PNOC: variants seen among roughly 807,000 people sequenced by gnomAD.
PNOC encodes nociceptin.
Under a neutral mutation model 15.6 loss-of-function variants are expected in PNOC, and 10 were observed. The ratio of observed to expected loss-of-function variants is 0.64; its 90% confidence interval spans 0.40 to 1.09. The LOEUF is 1.09. Ranked by LOEUF, PNOC falls within the 50% of genes least tolerant of loss-of-function variation. The pLI is 0.01. For missense variants in PNOC, 220 were observed against 223.9 expected, an observed-to-expected ratio of 0.98 and a Z score of 0.11; for synonymous variants, 98 against 88.5, an observed-to-expected ratio of 1.11 and a Z score of -0.60.
intron 1 of PNOC, among the ~76,000 whole-genome samples, chr8:28,323,531 G>C: frequency 6.6e-6 from 1 of 152,200 alleles, no homozygotes; most frequent in Middle Eastern, 3.2e-3. Context: ...AAAGTATAAA[G>C]TTTCAGCATC....
intron 2 of PNOC, among the ~76,000 whole-genome samples, chr8:28,332,762 C>A (rs971988436): frequency 6.6e-6 from 1 of 152,226 alleles, no homozygotes; most frequent in South Asian, 2.1e-4. Flanking sequence ...ACCAGCCTGG[C>A]CAACAAGGCG....
chr8:28,339,154 G>T lies in PNOC; in HGVS notation c.241G>T (p.Ala81Ser). The stretch of plus-strand genomic sequence containing the variant: ...CAGCCCTGCCGCCCCAGAGCATGTG[G>T]CGGCTGCTCTCTACCAGCCGAGAGC... ...QLSPAAPEHV[A>S]AALYQPRASE... Residue 81 changes from alanine to serine, a missense_variant, in exon 3 of 4, where the codon GCG becomes TCG. Ala to Ser is a moderately conservative substitution (Grantham distance 99). Transcript: ENST00000301908. 6.2e-7 allele frequency: 1 copy of T among 1,613,552 alleles called. No individual in the cohort carries two copies. The highest frequency in any genetic ancestry group is 8.5e-7 in the Non-Finnish European group (1 of 1,179,496).
chr8:28,330,608 T>C (rs1801316973), intron 2 of PNOC, among the ~76,000 whole-genome samples: 1 of 139,602 alleles, frequency 7.2e-6, no homozygotes, highest in Non-Finnish European at 1.6e-5. Flanking sequence ...GGTTTCACCG[T>C]GTTAGGATGG....
chr8:28,332,183 C>T (rs1271629711), intron 2 of PNOC, among the ~76,000 whole-genome samples: 1 of 152,192 alleles, frequency 6.6e-6, no homozygotes, highest in African/African-American at 2.4e-5. Flanking sequence ...ATGTGGCTGC[C>T]TGCTTGTTTT....
intron 1 of PNOC, among the ~76,000 whole-genome samples, chr8:28,319,615 C>T (rs750617411): frequency 1.3e-5 from 2 of 152,188 alleles, no homozygotes; most frequent in Non-Finnish European, 2.9e-5. Flanking sequence ...TACACACATG[C>T]ACATATGCAC....
At chr8:28,334,169 C>T (rs184028804) in intron 2 of PNOC, among the ~76,000 whole-genome samples, 12 of 152,276 alleles carry the variant, frequency 7.9e-5, no homozygotes, top group East Asian at 7.7e-4. Context: ...TTGAGATCCA[C>T]GCCTGTAGAG....
At chr8:28,334,428 C>T (rs1343247368) in intron 2 of PNOC, among the ~76,000 whole-genome samples, 3 of 152,150 alleles carry the variant, frequency 2.0e-5, no homozygotes, top group Non-Finnish European at 2.9e-5. Context: ...TTCTGGGCCC[C>T]ACCCTTGACT....
chr8:28,324,903 G>A (rs1801200827), intron 1 of PNOC, among the ~76,000 whole-genome samples: 1 of 152,068 alleles, frequency 6.6e-6, no homozygotes, highest in Admixed American at 6.6e-5. Flanking sequence ...CTGCATGCCA[G>A]GTTCTTTCCT....
intron 2 of PNOC, among the ~76,000 whole-genome samples, chr8:28,334,280 G>A (rs1005772603): frequency 3.3e-5 from 5 of 152,136 alleles, no homozygotes; most frequent in Non-Finnish European, 1.5e-5. Context: ...ACAGACCCAG[G>A]TGACTCTTTC....
intron 1 of PNOC, among the ~76,000 whole-genome samples, chr8:28,325,916 C>A (rs1339820503): frequency 6.6e-6 from 1 of 152,096 alleles, no homozygotes; most frequent in African/African-American, 2.4e-5. Flanking sequence ...AATTAGGAGG[C>A]TATTACAATA....
chr8:28,337,160 C>T lies in PNOC; in HGVS notation c.127-1880C>T, dbSNP rs372465427. Among the ~76,000 whole-genome samples the T allele has an allele frequency of 2.2e-4, 33 of 152,254 alleles. No homozygotes were observed. The South Asian group carries it at 4.4e-3, about 20-fold the overall frequency. Reference sequence around the variant, plus strand: ...AGCCCATGACTCCCATCCTTTGAGTCGCTGCATGGTTTCTAGATGGCAAAC... The same window carrying T: ...AGCCCATGACTCCCATCCTTTGAGTTGCTGCATGGTTTCTAGATGGCAAAC... On this transcript the variant is annotated intron_variant, in intron 2 of 3. Transcript: ENST00000301908.
chr8:28,323,411 T>G (rs1232940234), intron 1 of PNOC, among the ~76,000 whole-genome samples: 1 of 152,242 alleles, frequency 6.6e-6, no homozygotes, highest in African/African-American at 2.4e-5. Flanking sequence ...TTTACTGATG[T>G]TTGCTATGGT....
chr8:28,318,113 C>T (rs758340183), intron 1 of PNOC, among the ~76,000 whole-genome samples: 24 of 152,112 alleles, frequency 1.6e-4, no homozygotes, highest in Non-Finnish European at 3.1e-4. Context: ...GTCACCGCAT[C>T]CCAACTCTCG....
chr8:28,339,007 C>A, intron 2 of PNOC, 33 bp from the exon 3 acceptor site: 2 of 1,530,778 alleles, frequency 1.3e-6, no homozygotes, highest in South Asian at 2.4e-5. Context: ...GGTCCTTGTT[C>A]CTTCTCCCCT....
At chr8:28,335,918 GGAA>G (rs1801404083) in intron 2 of PNOC, among the ~76,000 whole-genome samples, 1 of 73,146 alleles carries the variant, frequency 1.4e-5, no homozygotes. Context: ...TGTCTCCAAA[GGAA>G]AAAAAAAAAA....
intron 1 of PNOC, among the ~76,000 whole-genome samples, chr8:28,328,059 C>CTTT (rs67204932): frequency 1.8e-4 from 15 of 82,104 alleles, no homozygotes; most frequent in African/African-American, 6.0e-4. Context: ...CTCTCTCTCT[C>CTTT]TTTTTTTTTT....
In PNOC at chr8:28,324,869, C is replaced by CA. The variant is rs543387808; in HGVS notation, c.-23-4260dup. On this transcript the variant is annotated intron_variant, in intron 1 of 3. Transcript: ENST00000301908. ...CAGAGTGAAACATCGTCTCAAAAAA[C>CA]AAAAAAGAGTGTTAGAGTGAATGCT... Among the ~76,000 whole-genome samples the CA allele has an allele frequency of 1.1e-4, 17 of 151,912 alleles. No individual in the cohort carries two copies. The East Asian group carries it at 2.3e-3, about 21-fold the overall frequency.
chr8:28,338,708 G>A (rs183599926), intron 2 of PNOC: 6 of 1,041,082 alleles, frequency 5.8e-6, no homozygotes, highest in East Asian at 7.9e-5. Context: ...CCAAAAACCC[G>A]ACTAAAGATG....
At chr8:28,330,400 T>TTATTTTTTTTTTTTTTTA in intron 2 of PNOC, among the ~76,000 whole-genome samples, 2 of 102,246 alleles carry the variant, frequency 2.0e-5, no homozygotes, top group Middle Eastern at 0.011. Context: ...TATTTTATTT[T>TTATTTTTTTTTTTTTTTA]TTTTTTTTTT....
Sources: gnomAD v4.1 joint callset for allele counts (sites outside exome capture counted in the v4.1 genomes callset) on GRCh38, gnomAD v4.1.1 for gene constraint, MANE v1.5 for transcripts, NCBI Gene and HGNC (gene_info 2026-07-23, HGNC 2026-07-21) for gene names.